SRBD1: variants seen among roughly 807,000 people sequenced by gnomAD.
SRBD1 encodes S1 RNA binding domain 1.
SRBD1 carries 88 observed loss-of-function variants against 115.3 expected under a neutral mutation model. That is an observed-to-expected ratio of 0.76 (90% CI 0.64 to 0.91). SRBD1 has a LOEUF of 0.91. SRBD1 is among the 40% of genes least tolerant of loss of function. The probability of loss-of-function intolerance (pLI) is 0.00; values close to 1 mark genes in which losing one functional copy is unlikely to be tolerated. For synonymous variants in SRBD1, 509 were observed against 407.7 expected (o/e 1.25, Z -2.99); for missense variants, 1,385 against 1,177.4 (o/e 1.18, Z -2.58).
intron 14 of SRBD1, among the ~76,000 whole-genome samples, chr2:45,533,394 T>C (rs1671672533): frequency 1.3e-5 from 2 of 152,074 alleles, no homozygotes; most frequent in African/African-American, 4.8e-5. Flanking sequence ...ACAACCCTAA[T>C]ATGGTTCCTA....
At chr2:45,494,363 T>A (rs1352479679) in intron 14 of SRBD1, among the ~76,000 whole-genome samples, 3 of 152,094 alleles carry the variant, frequency 2.0e-5, no homozygotes, top group Non-Finnish European at 2.9e-5. Context: ...GGGAATCATA[T>A]CAGATAATGG....
chr2:45,533,882 A>C (rs905244882), intron 14 of SRBD1, among the ~76,000 whole-genome samples: 2 of 152,068 alleles, frequency 1.3e-5, no homozygotes, highest in African/African-American at 4.8e-5. Context: ...TAACAAAAAC[A>C]ATCAAGAATC....
chr2:45,425,631 G>A (rs965751809), intron 16 of SRBD1, among the ~76,000 whole-genome samples: 2 of 152,022 alleles, frequency 1.3e-5, no homozygotes, highest in African/African-American at 4.8e-5. Flanking sequence ...CATCTCATTG[G>A]GACTGGTTAG....
At chr2:45,603,695 A>T (rs1372833252) in intron 2 of SRBD1, among the ~76,000 whole-genome samples, 1 of 151,778 alleles carries the variant, frequency 6.6e-6, no homozygotes, top group Non-Finnish European at 1.5e-5. Flanking sequence ...ATGCCTGGCT[A>T]ATTTTTGTAT....
chr2:45,509,238 G>A (rs1228155540), intron 14 of SRBD1, among the ~76,000 whole-genome samples: 1 of 152,002 alleles, frequency 6.6e-6, no homozygotes, highest in African/African-American at 2.4e-5. Context: ...TCACTATTAT[G>A]AGCAAATTTG....
chr2:45,391,063 ATTCT>A (rs1261083841), intron 20 of SRBD1, among the ~76,000 whole-genome samples: 2 of 152,152 alleles, frequency 1.3e-5, no homozygotes, highest in Non-Finnish European at 2.9e-5. Flanking sequence ...ATGCTTGGAA[ATTCT>A]TTCTCTCTCT....
At chr2:45,502,227 T>C (rs1446716415) in intron 14 of SRBD1, among the ~76,000 whole-genome samples, 3 of 152,128 alleles carry the variant, frequency 2.0e-5, no homozygotes, top group African/African-American at 4.8e-5. Context: ...CAGCTAAGGG[T>C]CCTGACTGTT....
chr2:45,517,599 A>G (rs1016602716), intron 14 of SRBD1, among the ~76,000 whole-genome samples: 4 of 152,232 alleles, frequency 2.6e-5, no homozygotes, highest in African/African-American at 7.2e-5. Flanking sequence ...CTCTCAACTC[A>G]GTCTCTGAAT....
chr2:45,572,091 C>T (rs772477082), intron 9 of SRBD1, among the ~76,000 whole-genome samples: 1 of 152,124 alleles, frequency 6.6e-6, no homozygotes, highest in African/African-American at 2.4e-5. Context: ...TATAATCAAA[C>T]TGTCAAAAGA....
At chr2:45,585,365 C>CAA (rs1227381771) in intron 5 of SRBD1, among the ~76,000 whole-genome samples, 1 of 152,190 alleles carries the variant, frequency 6.6e-6, no homozygotes, top group Non-Finnish European at 1.5e-5. Context: ...AGATGACAGT[C>CAA]AAACTCTGAG....
chr2:45,459,884 G>A (rs1669262946), intron 16 of SRBD1, among the ~76,000 whole-genome samples: 1 of 152,088 alleles, frequency 6.6e-6, no homozygotes, highest in Admixed American at 6.6e-5. Flanking sequence ...AAATGTTTCT[G>A]AAATTTTAGT....
intron 1 of SRBD1, among the ~76,000 whole-genome samples, chr2:45,610,857 G>C (rs1210967616): frequency 6.6e-6 from 1 of 152,042 alleles, no homozygotes; most frequent in African/African-American, 2.4e-5. Flanking sequence ...GAATCCGGGA[G>C]GCGGAGCTTG....
chr2:45,486,632 C>T (rs1314034209), intron 15 of SRBD1, among the ~76,000 whole-genome samples: 3 of 151,900 alleles, frequency 2.0e-5, no homozygotes, highest in Non-Finnish European at 4.4e-5. Flanking sequence ...ACTTGGGATG[C>T]TGAGGCAAGA....
At position 45,411,321 on chromosome 2, in the gene SRBD1, A is replaced by G. The variant is rs531108374; in HGVS notation, c.2513+1793T>C. On this transcript the variant is annotated intron_variant, in intron 19 of 20. Coordinates refer to ENST00000263736, the MANE Select transcript of SRBD1 (RefSeq NM_018079.5). The stretch of plus-strand genomic sequence containing the variant: ...AGTATAAAAAAGTTTGGTATTTCCT[A>G]TATCTCTTAAATTTCATTAACAGGA... 3.0e-4 allele frequency among the ~76,000 whole-genome samples: 46 copies of G among 152,308 alleles called. No homozygotes were observed. In the East Asian group the frequency reaches 4.8e-3, roughly 16 times the overall value.
intron 4 of SRBD1, among the ~76,000 whole-genome samples, chr2:45,590,134 T>C (rs1378982088): frequency 3.3e-5 from 5 of 152,242 alleles, no homozygotes; most frequent in East Asian, 1.9e-4. Context: ...AGTTCAGTAA[T>C]GCTGAAATAT....
chr2:45,523,275 GAAAAAAA>G (rs61024871), intron 14 of SRBD1, among the ~76,000 whole-genome samples: 1 of 86,570 alleles, frequency 1.2e-5, no homozygotes, highest in Admixed American at 1.2e-4. Flanking sequence ...CAAAACGCTG[GAAAAAAA>G]AAAAAAAAAA....
At chr2:45,449,765 T>C (rs1668936356) in intron 16 of SRBD1, among the ~76,000 whole-genome samples, 1 of 152,192 alleles carries the variant, frequency 6.6e-6, no homozygotes, top group Non-Finnish European at 1.5e-5. Context: ...CTGTGGAAAT[T>C]AGCTATCTAA....
At chr2:45,500,435 T>C (rs2103891207) in intron 14 of SRBD1, among the ~76,000 whole-genome samples, 1 of 152,238 alleles carries the variant, frequency 6.6e-6, no homozygotes, top group Non-Finnish European at 1.5e-5. Context: ...TGATTTTTTT[T>C]TTTTTAAGAC....
chr2:45,395,975 C>T (rs1667135874), intron 19 of SRBD1, among the ~76,000 whole-genome samples: 1 of 152,100 alleles, frequency 6.6e-6, no homozygotes. Flanking sequence ...TACTTTCTGG[C>T]TCAAAAGTAC....
Sources: allele counts gnomAD v4.1 joint callset (sites outside exome capture counted in the v4.1 genomes callset), GRCh38; gene constraint gnomAD v4.1.1; transcripts MANE v1.5; gene names NCBI Gene and HGNC (gene_info 2026-07-23, HGNC 2026-07-21).